Variants in COL24A1 observed in about 807,000 individuals in gnomAD.
The protein encoded by COL24A1 is collagen alpha-1(XXIV) chain.
Under a neutral mutation model 253.9 loss-of-function variants are expected in COL24A1, and 224 were observed. That is an observed-to-expected ratio of 0.88 (90% CI 0.79 to 0.99). The LOEUF (loss-of-function observed/expected upper bound fraction) is 0.99, where lower values mean the gene tolerates loss of function less well. Among genes scored for constraint, COL24A1 ranks in the 50% least tolerant of loss-of-function variants. The pLI is 0.00. For missense variants in COL24A1, 2,131 were observed against 2,068.5 expected (o/e 1.03, Z -0.59); for synonymous variants, 685 against 673.7 (o/e 1.02, Z -0.26).
rs180840846 is a variant in COL24A1 at position 85,946,955 on chromosome 1, G to A, written c.2562+14294C>T. On this transcript the variant is annotated intron_variant, in intron 24 of 59. Coordinates refer to ENST00000370571, the MANE Select transcript of COL24A1 (RefSeq NM_152890.7). Reference sequence around the variant, plus strand: ...AAAAAGAAAGAAATCCAGTCAGTGTGTACTTCATGCTTTTTGCACAGGACA... The same window carrying A: ...AAAAAGAAAGAAATCCAGTCAGTGTATACTTCATGCTTTTTGCACAGGACA... 1.1e-3 allele frequency among the ~76,000 whole-genome samples: 165 copies of A among 152,306 alleles called. 1 individual carries two copies. Among genetic ancestry groups the A allele is most frequent in the African/African-American group, 3.7e-3 (154 of 41,570 alleles).
At position 85,937,846 on chromosome 1, in the gene COL24A1, G is replaced by T. The variant is rs1688369033; in HGVS notation, c.2562+23403C>A. 1.4e-5 allele frequency among the ~76,000 whole-genome samples: 2 copies of T among 147,284 alleles called. 1 individual carries two copies. The highest frequency in any genetic ancestry group is 5.0e-5 in the African/African-American group (2 of 40,136). On this transcript the variant is annotated intron_variant, in intron 24 of 59. Coordinates refer to ENST00000370571, the MANE Select transcript of COL24A1 (RefSeq NM_152890.7). ...AGAAATGACATATGCTTTGAAAATG[G>T]GTGGCCTTCCCCACACTGAGGCCTC...
intron 43 of COL24A1, among the ~76,000 whole-genome samples, chr1:85,830,603 T>G (rs534625965): frequency 6.6e-6 from 1 of 152,094 alleles, no homozygotes; most frequent in African/African-American, 2.4e-5. Context: ...CTCTGAGCCA[T>G]GTGCGGGATA....
At chr1:85,782,271 A>G (rs1669221819) in intron 51 of COL24A1, among the ~76,000 whole-genome samples, 1 of 152,156 alleles carries the variant, frequency 6.6e-6, no homozygotes, top group South Asian at 2.1e-4. Context: ...TATTTTTATT[A>G]GAGATGGGGT....
intron 12 of COL24A1, among the ~76,000 whole-genome samples, chr1:86,037,359 A>G (rs1275800348): frequency 6.6e-6 from 1 of 152,198 alleles, no homozygotes; most frequent in African/African-American, 2.4e-5. Flanking sequence ...GTTACACTAT[A>G]TAAGACTGTC....
At chr1:85,754,642 A>G (rs973177245) in intron 55 of COL24A1, among the ~76,000 whole-genome samples, 2 of 151,960 alleles carry the variant, frequency 1.3e-5, no homozygotes, top group Admixed American at 1.3e-4. Context: ...TAGAAAAAAG[A>G]ACCAAATAGA....
At chr1:86,009,852 C>A (rs1404447176) in intron 19 of COL24A1, among the ~76,000 whole-genome samples, 1 of 152,102 alleles carries the variant, frequency 6.6e-6, no homozygotes, top group Non-Finnish European at 1.5e-5. Flanking sequence ...CTGTTATAAT[C>A]TTATGGGACT....
In COL24A1 at chr1:85,970,242, C is replaced by T. The variant is rs757754066; in HGVS notation, c.2448G>A (p.Gly816=). ...TGATACCTACTCTTGGCCCCAGTTC[C>T]CCAAAGGCTCCAATTGGTCCTTCTT... ...QGEEGPIGAF[G]ELGPRGKPGQ... The change falls in exon 22 of 60, where the codon GGG becomes GGA. Residue 816 remains glycine, a synonymous_variant. Transcript: ENST00000370571. 3 of 1,594,562 alleles carry T rather than the reference C, an allele frequency of 1.9e-6. No individual in the cohort carries two copies. The highest frequency in any genetic ancestry group is 2.3e-5 in the East Asian group (1 of 44,274).
At chr1:86,059,673 G>A (rs939753526) in intron 8 of COL24A1, among the ~76,000 whole-genome samples, 7 of 152,092 alleles carry the variant, frequency 4.6e-5, no homozygotes, top group African/African-American at 1.2e-4. Flanking sequence ...GGCAAATACC[G>A]TTATCATGAC....
intron 24 of COL24A1, among the ~76,000 whole-genome samples, chr1:85,950,097 T>C (rs1689743235): frequency 6.6e-6 from 1 of 152,186 alleles, no homozygotes. Context: ...AGCCCTCCCC[T>C]GGTTATCCCA....
intron 7 of COL24A1, among the ~76,000 whole-genome samples, chr1:86,086,188 T>C (rs931356378): frequency 6.6e-6 from 1 of 152,222 alleles, no homozygotes. Context: ...TTTGTTTCCT[T>C]GGCTTTCATG....
At chr1:85,830,166 G>A (rs1262363388) in intron 43 of COL24A1, among the ~76,000 whole-genome samples, 1 of 152,014 alleles carries the variant, frequency 6.6e-6, no homozygotes, top group African/African-American at 2.4e-5. Context: ...CTGCAGGTCT[G>A]TTGGAGTACC....
intron 19 of COL24A1, among the ~76,000 whole-genome samples, chr1:86,015,002 C>T (rs1292260778): frequency 2.0e-5 from 3 of 152,098 alleles, no homozygotes; most frequent in Admixed American, 2.0e-4. Context: ...ATGCATAAGA[C>T]CCTTTACCTG....
At chr1:86,084,854 G>T (rs1392995437) in intron 7 of COL24A1, among the ~76,000 whole-genome samples, 4 of 152,112 alleles carry the variant, frequency 2.6e-5, no homozygotes, top group African/African-American at 9.7e-5. Flanking sequence ...CCATTAGTGG[G>T]AATGGCAGAT....
intron 14 of COL24A1, among the ~76,000 whole-genome samples, chr1:86,025,464 A>G (rs956592670): frequency 1.3e-5 from 2 of 152,212 alleles, no homozygotes; most frequent in Admixed American, 6.5e-5. Context: ...TGAGTTCCAC[A>G]TGGTGCTTTT....
At chr1:85,737,548 C>T (rs750127449) in intron 57 of COL24A1, 43 bp from the exon 58 acceptor site, 3 of 1,303,474 alleles carry the variant, frequency 2.3e-6, no homozygotes, top group African/African-American at 1.5e-5. Context: ...TTATTAAATG[C>T]CATAATCCTT....
chr1:85,905,404 G>A (rs1684709052), intron 28 of COL24A1, among the ~76,000 whole-genome samples: 1 of 152,020 alleles, frequency 6.6e-6, no homozygotes, highest in South Asian at 2.1e-4. Flanking sequence ...TATATCAGTG[G>A]CTACCAGAAG....
chr1:85,888,614 T>C (rs963136973), intron 32 of COL24A1, among the ~76,000 whole-genome samples: 6 of 152,042 alleles, frequency 3.9e-5, no homozygotes, highest in African/African-American at 9.7e-5. Context: ...GGTTAAGATA[T>C]ACATAATAGG....
At chr1:85,736,859 T>A (rs973420883) in intron 58 of COL24A1, among the ~76,000 whole-genome samples, 15 of 152,228 alleles carry the variant, frequency 9.9e-5, no homozygotes, top group Admixed American at 1.3e-4. Flanking sequence ...TTATAATATA[T>A]GTTAGTTTAA....
intron 24 of COL24A1, among the ~76,000 whole-genome samples, chr1:85,914,662 A>T (rs1207953960): frequency 6.6e-6 from 1 of 152,158 alleles, no homozygotes; most frequent in Non-Finnish European, 1.5e-5. Flanking sequence ...AAGTATTGGG[A>T]TTACAGGTGT....
Sources: gnomAD v4.1 joint callset for allele counts (sites outside exome capture counted in the v4.1 genomes callset) on GRCh38, gnomAD v4.1.1 for gene constraint, MANE v1.5 for transcripts, NCBI Gene and HGNC (gene_info 2026-07-23, HGNC 2026-07-21) for gene names.